The following GALNT2 variants were observed in gnomAD, a reference collection of about 807,000 sequenced individuals.
The protein encoded by GALNT2 is polypeptide N-acetylgalactosaminyltransferase 2, also known as UDP-GalNAc:polypeptide N-acetylgalactosaminyltransferase 2.
GALNT2 carries 31 observed loss-of-function variants against 81.4 expected under a neutral mutation model. That is an observed-to-expected ratio of 0.38 (90% CI 0.29 to 0.51). The LOEUF (loss-of-function observed/expected upper bound fraction) is 0.51, where lower values mean the gene tolerates loss of function less well. Among genes scored for constraint, GALNT2 ranks in the 20% least tolerant of loss-of-function variants. The pLI is 0.87. For synonymous variants in GALNT2, 303 were observed against 287.4 expected (o/e 1.05, Z -0.55); for missense variants, 629 against 765.7 (o/e 0.82, Z 2.11).
At chr1:230,209,777 A>T (rs1003629975) in intron 3 of GALNT2, among the ~76,000 whole-genome samples, 3 of 151,850 alleles carry the variant, frequency 2.0e-5, no homozygotes, top group African/African-American at 7.3e-5. Flanking sequence ...TAGGAGGCTG[A>T]GCCTGCACTG....
chr1:230,139,177 G>A (rs117712356), intron 1 of GALNT2, among the ~76,000 whole-genome samples: 1 of 152,210 alleles, frequency 6.6e-6, no homozygotes, highest in East Asian at 1.9e-4. Context: ...CCCGGCTTTG[G>A]TCCCCTCACC....
Position 230,070,960 on chromosome 1 carries a change from C to T in GALNT2, c.126+3554C>T, listed in dbSNP as rs1659352769. Reference sequence around the variant, plus strand: ...ACCTCTTTGTGCTTAGTGACCTTCACTGATGCATTGAACCTCTCTGACCCT... The same window carrying T: ...ACCTCTTTGTGCTTAGTGACCTTCATTGATGCATTGAACCTCTCTGACCCT... On this transcript the variant is annotated intron_variant, in intron 1 of 15. Coordinates refer to ENST00000366672, the MANE Select transcript of GALNT2 (RefSeq NM_004481.5). This position sits in a 1 kb window ranked among gnomAD's most constrained non-coding sequence, Gnocchi z 4.7. 6.6e-6 allele frequency among the ~76,000 whole-genome samples: 1 copy of T among 152,176 alleles called. No homozygotes were observed. Among genetic ancestry groups the T allele is most frequent in the African/African-American group, 2.4e-5 (1 of 41,438 alleles).
intron 1 of GALNT2, among the ~76,000 whole-genome samples, chr1:230,075,997 G>T (rs571781230): frequency 6.6e-6 from 1 of 152,108 alleles, no homozygotes; most frequent in Non-Finnish European, 1.5e-5. Flanking sequence ...TTTCTTTCCC[G>T]AAGGATGTTG....
intron 1 of GALNT2, among the ~76,000 whole-genome samples, chr1:230,104,900 G>A (rs574248220): frequency 6.6e-6 from 1 of 152,202 alleles, no homozygotes; most frequent in Non-Finnish European, 1.5e-5. Context: ...CAGTCCCCCC[G>A]TTCTAAGCGT....
intron 1 of GALNT2, among the ~76,000 whole-genome samples, chr1:230,141,684 C>A (rs1480434568): frequency 6.6e-6 from 1 of 151,994 alleles, no homozygotes; most frequent in Non-Finnish European, 1.5e-5. Flanking sequence ...TTGATCTAGT[C>A]ACCCATTGAT....
intron 14 of GALNT2, chr1:230,268,375 G>A (rs1666087288): frequency 6.6e-6 from 1 of 152,214 alleles, no homozygotes; most frequent in African/African-American, 2.4e-5. Context: ...TGGGCCTCTT[G>A]TGATCCCTGG....
At chr1:230,252,977 A>C (rs199949431) in intron 10 of GALNT2, among the ~76,000 whole-genome samples, 3 of 150,210 alleles carry the variant, frequency 2.0e-5, no homozygotes. Flanking sequence ...CTCCCAAGTA[A>C]CTGGGATTAC....
chr1:230,215,392 G>A (rs1664358465), intron 3 of GALNT2, among the ~76,000 whole-genome samples: 1 of 152,208 alleles, frequency 6.6e-6, no homozygotes, highest in African/African-American at 2.4e-5. Flanking sequence ...TCTCCTTTCT[G>A]GAAACCTGAC....
At chr1:230,112,394 C>T (rs921667531) in intron 1 of GALNT2, among the ~76,000 whole-genome samples, 1 of 150,946 alleles carries the variant, frequency 6.6e-6, no homozygotes, top group Non-Finnish European at 1.5e-5. Flanking sequence ...GGGGGGGGGC[C>T]TGCATTTAGA....
chr1:230,089,704 A>G (rs574587569), intron 1 of GALNT2, among the ~76,000 whole-genome samples: 76 of 152,328 alleles, frequency 5.0e-4, no homozygotes, highest in African/African-American at 1.8e-3. Flanking sequence ...ACTTAGCATA[A>G]TACCTACAAG....
intron 1 of GALNT2, chr1:230,092,058 T>A (rs1490913675): frequency 1.3e-5 from 2 of 152,236 alleles, no homozygotes; most frequent in Non-Finnish European, 2.9e-5. Flanking sequence ...TGCGTTCTAA[T>A]TGGATCCTGA....
At chr1:230,144,610 G>A (rs148318282) in intron 1 of GALNT2, among the ~76,000 whole-genome samples, 71 of 152,242 alleles carry the variant, frequency 4.7e-4, no homozygotes, top group African/African-American at 1.6e-3. Context: ...CCAGGATTTC[G>A]CCATGCTTAT....
rs1665747130 is a variant in GALNT2 at position 230,257,415 on chromosome 1, A to G, written c.1136+2071A>G. Among the ~76,000 whole-genome samples, 1 of 152,212 alleles carries G rather than the reference A, an allele frequency of 6.6e-6. No individual in the cohort carries two copies. The highest frequency in any genetic ancestry group is 1.5e-5 in the Non-Finnish European group (1 of 68,038). ...TTTCGGTCGGTGACAGTAGTCCCAT[A>G]AGATTATAATACCGTGTGTTTACTC... On this transcript the variant is annotated intron_variant, in intron 11 of 15. Coordinates refer to ENST00000366672, the MANE Select transcript of GALNT2 (RefSeq NM_004481.5). The surrounding 1 kb of genome is among the most constrained non-coding windows in gnomAD (Gnocchi z 4.6).
intron 1 of GALNT2, among the ~76,000 whole-genome samples, chr1:230,122,726 T>C (rs1661057010): frequency 1.3e-5 from 2 of 152,156 alleles, no homozygotes; most frequent in African/African-American, 4.8e-5. Context: ...ATGAATTTAT[T>C]ATCTATATTT....
At chr1:230,262,433 T>A in intron 11 of GALNT2, 140 bp from the exon 12 acceptor site, 1 of 691,218 alleles carries the variant, frequency 1.4e-6, no homozygotes, top group Admixed American at 2.5e-5. Flanking sequence ...GCCCACCCTC[T>A]GCTGTGTGCC....
chr1:230,186,379 T>G (rs1663338435), intron 2 of GALNT2, among the ~76,000 whole-genome samples: 1 of 152,228 alleles, frequency 6.6e-6, no homozygotes, highest in Non-Finnish European at 1.5e-5. Flanking sequence ...TCGGCCTCCC[T>G]GTCATCTTTC....
In GALNT2 at chr1:230,265,379, G is replaced by A. The variant is rs1322305064; in HGVS notation, c.1440+12G>A. 5 of 1,614,180 alleles carry A rather than the reference G, an allele frequency of 3.1e-6. No homozygotes were observed. Among genetic ancestry groups the A allele is most frequent in the Non-Finnish European group, 4.2e-6 (5 of 1,180,028 alleles). The stretch of plus-strand genomic sequence containing the variant: ...CTGGGGGAAACCAGGTATGTGCATG[G>A]GGAAGCCAGGTCACCTGCAGGCCCA... On this transcript the variant is annotated intron_variant, in intron 14 of 15. Transcript: ENST00000366672.
At chr1:230,215,108 T>A (rs1664348119) in intron 3 of GALNT2, among the ~76,000 whole-genome samples, 1 of 152,230 alleles carries the variant, frequency 6.6e-6, no homozygotes, top group Admixed American at 6.5e-5. Flanking sequence ...CGGTCTTTTG[T>A]GAGAGAGCTG....
rs370659391 is a variant in GALNT2, at chr1:230,203,162, C to T, written c.246C>T (p.Asn82=). 1.1e-5 allele frequency: 18 copies of T among 1,614,012 alleles called. No homozygotes were observed. The highest frequency in any genetic ancestry group is 1.5e-5 in the Non-Finnish European group (18 of 1,179,984). The change falls in exon 3 of 16, where the codon AAC becomes AAT. Residue 82 remains asparagine, a synonymous_variant. Coordinates refer to ENST00000366672, the MANE Select transcript of GALNT2 (RefSeq NM_004481.5). ...GGAAAGTACGGTGGCCAGACTTTAACCAGGAAGCTTATGTTGGAGGGACGA... is the reference window on the plus strand; with the variant it reads ...GGAAAGTACGGTGGCCAGACTTTAATCAGGAAGCTTATGTTGGAGGGACGA... ...PPGKVRWPDF[N]QEAYVGGTMV... is the part of the protein sequence containing the mutation.
Sources: allele counts gnomAD v4.1 joint callset (sites outside exome capture counted in the v4.1 genomes callset), GRCh38; gene constraint gnomAD v4.1.1; non-coding constraint Gnocchi (gnomAD v3.1); transcripts MANE v1.5; gene names NCBI Gene and HGNC (gene_info 2026-07-23, HGNC 2026-07-21).